KMT2C: variants seen among roughly 807,000 people sequenced by gnomAD.
KMT2C encodes the protein lysine methyltransferase 2C.
A neutral mutation model predicts 507.9 loss-of-function variants in KMT2C; 88 were observed. That is an observed-to-expected ratio of 0.17 (90% confidence interval 0.15 to 0.21). The LOEUF is 0.21. Ranked by LOEUF, KMT2C falls within the 10% of genes least tolerant of loss-of-function variation. The probability of loss-of-function intolerance (pLI) is 1.00; values close to 1 mark genes in which losing one functional copy is unlikely to be tolerated. For missense variants in KMT2C, 4,954 were observed against 5,957.8 expected, an observed-to-expected ratio of 0.83 and a Z score of 5.55; for synonymous variants, 2,049 against 2,080.8, an observed-to-expected ratio of 0.98 and a Z score of 0.42.
intron 1 of KMT2C, among the ~76,000 whole-genome samples, chr7:152,407,963 T>C (rs1439367693): frequency 1.3e-5 from 2 of 152,412 alleles, no homozygotes; most frequent in Non-Finnish European, 2.9e-5. Context: ...ATGGAACATA[T>C]ACTTCAGTAT....
intron 2 of KMT2C, among the ~76,000 whole-genome samples, chr7:152,347,341 T>C (rs1460206461): frequency 6.6e-6 from 1 of 152,172 alleles, no homozygotes; most frequent in Admixed American, 6.5e-5. Flanking sequence ...TTAAGCATCA[T>C]TAGTGGCACT....
At chr7:152,224,383 T>A in intron 19 of KMT2C, 52 bp downstream of exon 19, 2 of 1,557,950 alleles carry the variant, frequency 1.3e-6, no homozygotes, top group Admixed American at 1.8e-5. Flanking sequence ...CAAAGTGGTA[T>A]GAGAAAGCTC....
chr7:152,313,659 A>G (rs1364560266), intron 4 of KMT2C, among the ~76,000 whole-genome samples: 1 of 152,152 alleles, frequency 6.6e-6, no homozygotes. Context: ...TTCATTAGCA[A>G]CATACATTTT....
At position 152,330,812 on chromosome 7, in the gene KMT2C, T is replaced by C. The variant is rs528769461; in HGVS notation, c.251-73A>G. The C allele has an allele frequency of 2.4e-5, 32 of 1,357,898 alleles. No individual in the cohort carries two copies. The African/African-American group carries it at 3.7e-4, about 16-fold the overall frequency. The allele number at this position is 1,357,898 out of a possible 1,614,324, so 84.1% of individuals were successfully genotyped here. The stretch of plus-strand genomic sequence containing the variant: ...TTTTAATCACTGGTGAATGTATCTA[T>C]AAAGCATAGGTCATAATGTAAAAAG... On this transcript the variant is annotated intron_variant, in intron 2 of 58. Coordinates refer to ENST00000262189, the MANE Select transcript of KMT2C (RefSeq NM_170606.3).
chr7:152,180,623 A>C, intron 36 of KMT2C, 88 bp downstream of exon 36: 1 of 996,786 alleles, frequency 1.0e-6, no homozygotes, highest in South Asian at 1.7e-5. Flanking sequence ...ATAAAACATT[A>C]ACTCCTGTGT....
rs1250290623 is a variant in KMT2C, at chr7:152,162,517, C to A, written c.11060G>T (p.Ser3687Ile). The change falls in exon 43 of 59, where the codon AGT (serine) becomes ATT (isoleucine). Residue 3687 changes from serine to isoleucine, a missense_variant. Ser to Ile is a moderately radical substitution (Grantham distance 142). Coordinates refer to ENST00000262189, the MANE Select transcript of KMT2C (RefSeq NM_170606.3). ...CTELENKLPN[S>I]DFSQATPNQQ... ...ATTTGGAGTTGCTTGTGAGAAATCACTATTGGGCAGTTTGTTCTCTAATTC... is the reference window on the plus strand; with the variant it reads ...ATTTGGAGTTGCTTGTGAGAAATCAATATTGGGCAGTTTGTTCTCTAATTC... 2 of 1,614,214 alleles carry A rather than the reference C, an allele frequency of 1.2e-6. No individual in the cohort carries two copies. The highest frequency in any genetic ancestry group is 2.2e-5 in the South Asian group (2 of 91,086).
At chr7:152,409,465 C>T (rs1300706483) in intron 1 of KMT2C, among the ~76,000 whole-genome samples, 1 of 151,816 alleles carries the variant, frequency 6.6e-6, no homozygotes, top group South Asian at 2.1e-4. Context: ...CGCCTGTAAT[C>T]CCAGCATTTT....
intron 2 of KMT2C, among the ~76,000 whole-genome samples, chr7:152,337,353 T>C (rs541437378): frequency 1.4e-4 from 21 of 152,320 alleles, no homozygotes; most frequent in Non-Finnish European, 2.6e-4. Flanking sequence ...CTTCATTAAA[T>C]AGCATCAGCT....
chr7:152,357,874 C>T (rs1476803284), intron 2 of KMT2C, among the ~76,000 whole-genome samples: 2 of 152,178 alleles, frequency 1.3e-5, no homozygotes, highest in Non-Finnish European at 2.9e-5. Flanking sequence ...CATCTCTTAA[C>T]TGCATGATAT....
chr7:152,176,531 T>C lies in KMT2C; in HGVS notation c.8922A>G (p.Thr2974=), dbSNP rs1040094255. ...AAACATGGTTTACCCTAGAGACTAC[T>C]GTCACATTAGAATTCATGGCATTAT... The part of the protein sequence containing the change: ...VLDNAMNSNV[T]VVSRVNHVFS... Residue 2974 remains threonine, a synonymous_variant, in exon 38 of 59, where the codon ACA becomes ACG. Coordinates refer to ENST00000262189, the MANE Select transcript of KMT2C (RefSeq NM_170606.3). The C allele has an allele frequency of 1.9e-6, 3 of 1,614,142 alleles. No individual in the cohort carries two copies. The highest frequency in any genetic ancestry group is 1.7e-6 in the Non-Finnish European group (2 of 1,180,024).
intron 1 of KMT2C, chr7:152,368,420 T>C (rs2097264869): frequency 1.8e-6 from 2 of 1,132,312 alleles, no homozygotes; most frequent in Non-Finnish European, 2.6e-6. Context: ...GAGATGGAGA[T>C]GGAGCAGGTG....
intron 54 of KMT2C, 131 bp from the exon 55 acceptor site, chr7:152,145,012 C>A (rs1213494648): frequency 2.9e-6 from 4 of 1,364,230 alleles, no homozygotes; most frequent in Non-Finnish European, 4.0e-6. Context: ...CTAGCAGAGA[C>A]ACACGGCGAG....
chr7:152,216,798 T>C (rs1563436629), intron 23 of KMT2C, among the ~76,000 whole-genome samples: 1 of 152,154 alleles, frequency 6.6e-6, no homozygotes, highest in Non-Finnish European at 1.5e-5. Flanking sequence ...AATTCACATA[T>C]AAAGACAAGC....
chr7:152,250,890 G>T lies in KMT2C; in HGVS notation c.1698C>A (p.Val566=). 6.2e-7 allele frequency: 1 copy of T among 1,608,548 alleles called. No homozygotes were observed. The highest frequency in any genetic ancestry group is 8.5e-7 in the Non-Finnish European group (1 of 1,175,092). ...VFSEQAANKD[V]NGQESTPGIV... ...TTCCAGGAGTGGACTCCTGACCGTT[G>T]ACATCTTTATTAGCTGCCTGCTCTG... The change falls in exon 12 of 59, where the codon GTC becomes GTA. Residue 566 remains valine, a synonymous_variant. Transcript: ENST00000262189.
At position 152,185,545 on chromosome 7, in the gene KMT2C, T is replaced by C. The variant is rs1480561031; in HGVS notation, c.5082+13A>G. The C allele has an allele frequency of 6.2e-7, 1 of 1,605,472 alleles. No homozygotes were observed. Among genetic ancestry groups the C allele is most frequent in the Non-Finnish European group, 8.5e-7 (1 of 1,172,550 alleles). ...TTTAAATATTTAAAAGATAGAGGAG[T>C]TTCTTAAAATACCACATATGGTGCT... On this transcript the variant is annotated intron_variant, in intron 34 of 58. Coordinates refer to ENST00000262189, the MANE Select transcript of KMT2C (RefSeq NM_170606.3).
chr7:152,374,299 G>A (rs888668165), intron 1 of KMT2C, among the ~76,000 whole-genome samples: 2 of 151,240 alleles, frequency 1.3e-5, no homozygotes, highest in African/African-American at 2.4e-5. Context: ...CTGGGCAAGA[G>A]AGCAAGACTC....
intron 25 of KMT2C, among the ~76,000 whole-genome samples, chr7:152,203,926 G>T (rs1274380090): frequency 6.6e-6 from 1 of 152,060 alleles, no homozygotes; most frequent in African/African-American, 2.4e-5. Flanking sequence ...AAAAGTAAAA[G>T]CTCTCCGAAA....
In KMT2C at chr7:152,148,155, T is replaced by C; in HGVS notation, c.13772A>G (p.Tyr4591Cys). Residue 4591 changes from tyrosine to cysteine, a missense_variant, in exon 52 of 59, where the codon TAT becomes TGT. Coordinates refer to ENST00000262189, the MANE Select transcript of KMT2C (RefSeq NM_170606.3). The surrounding 1 kb of genome is among the most constrained non-coding windows in gnomAD (Gnocchi z 7.1). ...CAGGTAGCGGCAGCGCCTATTGGCA[T>C]AGCGAGTGCTCCAGTACAGCCGGCT... ...EASRLYWSTR[Y>C]ANRRCRYLCS... The C allele has an allele frequency of 6.2e-7, 1 of 1,614,140 alleles. No individual in the cohort carries two copies. The highest frequency in any genetic ancestry group is 8.5e-7 in the Non-Finnish European group (1 of 1,179,956).
intron 14 of KMT2C, among the ~76,000 whole-genome samples, chr7:152,240,612 A>C (rs1199834631): frequency 1.9e-4 from 29 of 152,268 alleles, no homozygotes; most frequent in Non-Finnish European, 3.7e-4. Context: ...ACCCCTCTTA[A>C]GTTTGCCATG....
Sources: gnomAD v4.1 joint callset for allele counts (sites outside exome capture counted in the v4.1 genomes callset) on GRCh38, gnomAD v4.1.1 for gene constraint, Gnocchi (gnomAD v3.1) non-coding constraint, MANE v1.5 for transcripts, NCBI Gene and HGNC (gene_info 2026-07-23, HGNC 2026-07-21) for gene names.